The following CAMK2D variants were observed in gnomAD, a reference collection of about 807,000 sequenced individuals.
CAMK2D encodes calcium/calmodulin-dependent protein kinase type II subunit delta.
Under a neutral mutation model 84.0 loss-of-function variants are expected in CAMK2D, and 37 were observed. The ratio of observed to expected loss-of-function variants is 0.44; its 90% confidence interval spans 0.34 to 0.58. The LOEUF is 0.58. CAMK2D is among the 20% of genes least tolerant of loss of function. The probability of loss-of-function intolerance (pLI) is 0.02; values close to 1 mark genes in which losing one functional copy is unlikely to be tolerated. For missense variants in CAMK2D, 448 were observed against 652.5 expected (o/e 0.69, Z 3.41); for synonymous variants, 202 against 212.5 (o/e 0.95, Z 0.43).
chr4:113,489,271 C>T (rs1483273420), intron 16 of CAMK2D, among the ~76,000 whole-genome samples: 3 of 147,210 alleles, frequency 2.0e-5, no homozygotes, highest in Admixed American at 2.0e-4. Context: ...GTATATCTCC[C>T]GATGCTATCC....
chr4:113,531,633 C>T (rs1156611632), intron 7 of CAMK2D, among the ~76,000 whole-genome samples: 1 of 152,046 alleles, frequency 6.6e-6, no homozygotes, highest in Non-Finnish European at 1.5e-5. Context: ...TAAAACTACA[C>T]CTGAAAAGAA....
At chr4:113,525,421 A>G (rs2098409057) in intron 8 of CAMK2D, among the ~76,000 whole-genome samples, 1 of 152,190 alleles carries the variant, frequency 6.6e-6, no homozygotes, top group African/African-American at 2.4e-5. Context: ...GAAATTATGG[A>G]AGCAGTTATA....
intron 2 of CAMK2D, among the ~76,000 whole-genome samples, chr4:113,757,790 T>C (rs1172514095): frequency 6.6e-6 from 1 of 152,018 alleles, no homozygotes; most frequent in Non-Finnish European, 1.5e-5. Context: ...TCTCCACAGA[T>C]TGAAGGGAAA....
intron 19 of CAMK2D, 42 bp downstream of exon 19, chr4:113,457,293 T>C: frequency 6.2e-7 from 1 of 1,610,400 alleles, no homozygotes; most frequent in South Asian, 1.1e-5. Flanking sequence ...GAGCTGACCA[T>C]GGGTGTATTA....
chr4:113,597,051 C>G (rs1038117344), intron 4 of CAMK2D, among the ~76,000 whole-genome samples: 3 of 152,286 alleles, frequency 2.0e-5, no homozygotes, highest in African/African-American at 2.4e-5. Flanking sequence ...ATCTCCTGAC[C>G]TGGTGATCTG....
At chr4:113,637,948 T>C (rs2099116461) in intron 3 of CAMK2D, among the ~76,000 whole-genome samples, 1 of 152,170 alleles carries the variant, frequency 6.6e-6, no homozygotes, top group African/African-American at 2.4e-5. Flanking sequence ...CAAGAAAGAA[T>C]AGCAGCCTTG....
At chr4:113,609,118 T>C (rs763120556) in intron 4 of CAMK2D, 34 bp downstream of exon 4, 2 of 1,202,134 alleles carry the variant, frequency 1.7e-6, no homozygotes, top group Non-Finnish European at 2.5e-6. Flanking sequence ...CTCAATTAGA[T>C]TGCAAAAATA....
At chr4:113,618,652 A>G (rs571451550) in intron 3 of CAMK2D, among the ~76,000 whole-genome samples, 3 of 152,240 alleles carry the variant, frequency 2.0e-5, no homozygotes, top group African/African-American at 4.8e-5. Flanking sequence ...TTGCCTCTAT[A>G]TATCTATTTT....
At chr4:113,509,481 A>G (rs1174172062) in intron 13 of CAMK2D, among the ~76,000 whole-genome samples, 157 bp downstream of exon 13, 4 of 152,342 alleles carry the variant, frequency 2.6e-5, no homozygotes, top group African/African-American at 9.6e-5. Context: ...AATGTTAGTC[A>G]TCTTTGTATA....
chr4:113,570,370 AGC>A (rs1464710101), intron 4 of CAMK2D, among the ~76,000 whole-genome samples: 1 of 152,210 alleles, frequency 6.6e-6, no homozygotes, highest in Non-Finnish European at 1.5e-5. Context: ...CAAAGCTGAA[AGC>A]ATCACACTAT....
chr4:113,585,215 G>A (rs2154246405), intron 4 of CAMK2D, among the ~76,000 whole-genome samples: 1 of 152,102 alleles, frequency 6.6e-6, no homozygotes, highest in South Asian at 2.1e-4. Context: ...AATAAGACCA[G>A]GTATCATTTG....
intron 2 of CAMK2D, among the ~76,000 whole-genome samples, chr4:113,745,184 T>C (rs1342484748): frequency 1.3e-5 from 2 of 152,224 alleles, no homozygotes; most frequent in East Asian, 1.9e-4. Context: ...GTAAACTACC[T>C]TTACGTGTTT....
At chr4:113,541,655 T>G (rs1363948987) in intron 6 of CAMK2D, among the ~76,000 whole-genome samples, 1 of 152,154 alleles carries the variant, frequency 6.6e-6, no homozygotes, top group Admixed American at 6.5e-5. Context: ...TATCCCATAT[T>G]ATTTAATTCT....
intron 14 of CAMK2D, among the ~76,000 whole-genome samples, chr4:113,504,223 A>C (rs2098096044): frequency 6.6e-6 from 1 of 152,198 alleles, no homozygotes; most frequent in South Asian, 2.1e-4. Flanking sequence ...GGAAAATGTT[A>C]TGGAACTCAG....
intron 2 of CAMK2D, among the ~76,000 whole-genome samples, chr4:113,736,446 A>G (rs955880401): frequency 6.6e-6 from 1 of 152,208 alleles, no homozygotes; most frequent in Non-Finnish European, 1.5e-5. Context: ...AAAGTTAATC[A>G]GCTGGATTTT....
chr4:113,549,834 T>G (rs1271069234), intron 5 of CAMK2D, among the ~76,000 whole-genome samples: 2 of 152,214 alleles, frequency 1.3e-5, no homozygotes, highest in African/African-American at 4.8e-5. Flanking sequence ...ATTTTAAAAA[T>G]TGATCATGAC....
At position 113,735,288 on chromosome 4, in the gene CAMK2D, GGAAAAAAAAAAAA is replaced by G. The variant is rs1463433439; in HGVS notation, c.160+24019_160+24031del. ...CCAACATGGCAAAACCATCTCTACAGGAAAAAAAAAAAAAAAAAAAAAAAAAAAAAAAAAAAAT... is the reference window on the plus strand; with the variant it reads ...CCAACATGGCAAAACCATCTCTACAGAAAAAAAAAAAAAAAAAAAAAAAAT... On this transcript the variant is annotated intron_variant, in intron 2 of 20. Coordinates refer to ENST00000511664, the MANE Select transcript of CAMK2D (RefSeq NM_001321571.2). Among the ~76,000 whole-genome samples, 86 of 58,998 alleles carry G rather than the reference GGAAAAAAAAAAAA, an allele frequency of 1.5e-3. 2 individuals carry two copies. Among genetic ancestry groups the G allele is most frequent in the African/African-American group, 4.6e-3 (80 of 17,276 alleles). 38.7% of individuals were successfully genotyped at this position (58,998 alleles called of 152,430 possible). A position where few individuals can be genotyped will look rare whatever the true frequency, so the allele number is the denominator to read the frequency against.
intron 3 of CAMK2D, among the ~76,000 whole-genome samples, chr4:113,643,837 G>A (rs1470430694): frequency 2.0e-5 from 3 of 152,290 alleles, no homozygotes; most frequent in Non-Finnish European, 2.9e-5. Context: ...AGTAATATCA[G>A]ACTACTCCTC....
At chr4:113,507,925 T>TTTTG (rs150081303) in intron 13 of CAMK2D, among the ~76,000 whole-genome samples, 4,123 of 152,246 alleles carry the variant, frequency 0.027, 198 homozygotes, top group African/African-American at 0.094. Flanking sequence ...ACATATAGTT[T>TTTTG]TTTGTTTGTT....
Sources: allele counts gnomAD v4.1 joint callset (sites outside exome capture counted in the v4.1 genomes callset), GRCh38; gene constraint gnomAD v4.1.1; transcripts MANE v1.5; gene names NCBI Gene and HGNC (gene_info 2026-07-23, HGNC 2026-07-21).